Variants in NPY observed in about 807,000 individuals in gnomAD.
The protein encoded by NPY is neuropeptide Y.
NPY carries 11 observed loss-of-function variants against 13.2 expected under a neutral mutation model. The ratio of observed to expected loss-of-function variants is 0.83; its 90% CI spans 0.52 to 1.38. The LOEUF (loss-of-function observed/expected upper bound fraction) is 1.38. NPY is among the 40% of genes most tolerant of loss of function. The pLI, the probability that NPY is intolerant of heterozygous loss-of-function variation, is 0.00. For missense variants in NPY, 109 were observed against 125.1 expected (o/e 0.87, Z 0.61); for synonymous variants, 51 against 55.6 (o/e 0.92, Z 0.37).
At chr7:24,288,429 A>C (rs1241236729) in intron 2 of NPY, among the ~76,000 whole-genome samples, 1 of 152,212 alleles carries the variant, frequency 6.6e-6, no homozygotes, top group Non-Finnish European at 1.5e-5. Flanking sequence ...GGCAATTAGA[A>C]TATACCCTCT....
At position 24,285,682 on chromosome 7, in the gene NPY, C is replaced by T. The variant is rs747470802; in HGVS notation, c.188+254C>T. Among the ~76,000 whole-genome samples the T allele has an allele frequency of 6.6e-6, 1 of 152,126 alleles. No individual in the cohort carries two copies. The highest frequency in any genetic ancestry group is 1.5e-5 in the Non-Finnish European group (1 of 68,032). ...CAGGTTCCCCAGGCTGGTAGGCTGG[C>T]AATCTCCTCTCACTCACCTCTTATG... is the stretch of plus-strand genomic sequence containing the variant. On this transcript the variant is annotated intron_variant, in intron 2 of 3. Transcript: ENST00000242152. The surrounding 1 kb of genome is among the most constrained non-coding windows in gnomAD (Gnocchi z 4.9).
In NPY at chr7:24,291,763, A is replaced by T; in HGVS notation, c.*76A>T. On this transcript the variant is annotated 3_prime_UTR_variant, in exon 4 of 4. Transcript: ENST00000242152. ...CATCGTGTAAAACGAGAATCCACCCATCCTACCAATGCATGCAGCCACTGT... is the reference window on the plus strand; with the variant it reads ...CATCGTGTAAAACGAGAATCCACCCTTCCTACCAATGCATGCAGCCACTGT... 1 of 1,510,828 alleles carries T rather than the reference A, an allele frequency of 6.6e-7. No individual in the cohort carries two copies. The highest frequency in any genetic ancestry group is 9.2e-7 in the Non-Finnish European group (1 of 1,086,666). 93.6% of individuals were successfully genotyped at this position (1,510,828 alleles called of 1,614,324 possible). A position where few individuals can be genotyped will look rare whatever the true frequency, so the allele number is the denominator to read the frequency against.
chr7:24,291,247 GTCTAATAAGTA>G lies in NPY; in HGVS notation c.270-415_270-405del, dbSNP rs1283766202. Among the ~76,000 whole-genome samples, 688 of 152,246 alleles carry G rather than the reference GTCTAATAAGTA, an allele frequency of 4.5e-3. 38 individuals carry two copies. The East Asian group carries it at 0.1, about 22-fold the overall frequency. ...ATTTTATTATAAAGGTCTTATTATAGTCTAATAAGTAGCATCTTACTACATAATAAAGCTGG... is the reference window on the plus strand; with the variant it reads ...ATTTTATTATAAAGGTCTTATTATAGGCATCTTACTACATAATAAAGCTGG... On this transcript the variant is annotated intron_variant, in intron 3 of 3. Coordinates refer to ENST00000242152, the MANE Select transcript of NPY (RefSeq NM_000905.4).
chr7:24,287,023 G>C (rs529236060), intron 2 of NPY, among the ~76,000 whole-genome samples: 1 of 152,178 alleles, frequency 6.6e-6, no homozygotes, highest in Non-Finnish European at 1.5e-5. Flanking sequence ...GCTTTGAAGG[G>C]AGTATAATTA....
intron 2 of NPY, among the ~76,000 whole-genome samples, chr7:24,287,935 C>T (rs1390537819): frequency 1.3e-5 from 2 of 152,166 alleles, no homozygotes; most frequent in East Asian, 3.8e-4. Context: ...GTTTTTAACA[C>T]TCCCCAGGTG....
rs939743521 is a variant in NPY, at chr7:24,285,014, C to T, written c.1-227C>T. On this transcript the variant is annotated intron_variant, in intron 1 of 3. Transcript: ENST00000242152. The surrounding 1 kb of genome is among the most constrained non-coding windows in gnomAD (Gnocchi z 4.9). Reference sequence around the variant, plus strand: ...GTCCCTGAGACTTCGAACGAAGTTGCGCGAAGTTTTCAGGTGGAGCAGAGG... The same window carrying T: ...GTCCCTGAGACTTCGAACGAAGTTGTGCGAAGTTTTCAGGTGGAGCAGAGG... 6.9e-6 allele frequency: 4 copies of T among 583,348 alleles called. No individual in the cohort carries two copies. The highest frequency in any genetic ancestry group is 3.1e-5 in the Admixed American group (1 of 32,742). The allele number at this position is 583,348 out of a possible 1,614,324, so 36.1% of individuals were successfully genotyped here. A position where few individuals can be genotyped will look rare whatever the true frequency, so the allele number is the denominator to read the frequency against.
chr7:24,285,040 G>A lies in NPY; in HGVS notation c.1-201G>A. On this transcript the variant is annotated intron_variant, in intron 1 of 3. Coordinates refer to ENST00000242152, the MANE Select transcript of NPY (RefSeq NM_000905.4). This position sits in a 1 kb window ranked among gnomAD's most constrained non-coding sequence, Gnocchi z 4.9. ...GCGAAGTTTTCAGGTGGAGCAGAGG[G>A]GCAGGTCCCGACCGGACGGCGCCCG... 1.7e-6 allele frequency: 1 copy of A among 603,840 alleles called. No individual in the cohort carries two copies. Among genetic ancestry groups the A allele is most frequent in the Non-Finnish European group, 2.9e-6 (1 of 340,132 alleles). 37.4% of individuals were successfully genotyped at this position (603,840 alleles called of 1,614,324 possible).
intron 3 of NPY, among the ~76,000 whole-genome samples, 179 bp from the exon 4 acceptor site, chr7:24,291,484 A>G (rs1787606173): frequency 6.6e-6 from 1 of 152,184 alleles, no homozygotes; most frequent in African/African-American, 2.4e-5. Flanking sequence ...GGGGCTGTGC[A>G]TATTGTGCCT....
chr7:24,290,775 A>ATTATTATT (rs1554351567), intron 3 of NPY, among the ~76,000 whole-genome samples: 2,447 of 129,618 alleles, frequency 0.019, 36 homozygotes, highest in African/African-American at 0.036. Flanking sequence ...TAATAATAAT[A>ATTATTATT]ATTATTATTA....
rs1787319322 is a variant in NPY at position 24,285,293 on chromosome 7, T to C, written c.53T>C (p.Leu18Pro). The C allele has an allele frequency of 6.2e-7, 1 of 1,614,084 alleles. No individual in the cohort carries two copies. The highest frequency in any genetic ancestry group is 8.5e-7 in the Non-Finnish European group (1 of 1,179,994). Residue 18 changes from leucine (L) to proline (P), a missense_variant, in exon 2 of 4, where the codon CTG (leucine) becomes CCG (proline). Transcript: ENST00000242152. The surrounding 1 kb of genome is among the most constrained non-coding windows in gnomAD (Gnocchi z 4.9). ...TCCGGACTGACCCTCGCCCTGTCCC[T>C]GCTCGTGTGCCTGGGTGCGCTGGCC... ...GLSGLTLALS[L>P]LVCLGALAEA...
rs1450487582 is a variant in NPY at position 24,285,339 on chromosome 7, G to A, written c.99G>A (p.Pro33=). 3 of 1,613,996 alleles carry A rather than the reference G, an allele frequency of 1.9e-6. No individual in the cohort carries two copies. Among genetic ancestry groups the A allele is most frequent in the East Asian group, 2.2e-5 (1 of 44,868 alleles). The change falls in exon 2 of 4, where the codon CCG becomes CCA. Residue 33 remains proline, a synonymous_variant. Transcript: ENST00000242152. The surrounding 1 kb of genome is among the most constrained non-coding windows in gnomAD (Gnocchi z 4.9). ...GALAEAYPSK[P]DNPGEDAPAE... The stretch of plus-strand genomic sequence containing the variant: ...TGGCCGAGGCGTACCCCTCCAAGCC[G>A]GACAACCCGGGCGAGGACGCACCAG...
intron 1 of NPY, 60 bp downstream of exon 1, chr7:24,284,335 T>G (rs1195009303): frequency 6.6e-6 from 1 of 152,480 alleles, no homozygotes; most frequent in African/African-American, 2.4e-5. Context: ...GCGAACTTGC[T>G]AGAGACGCAG....
chr7:24,291,785 C>T lies in NPY; in HGVS notation c.*98C>T, dbSNP rs1417544129. 7.4e-7 allele frequency: 1 copy of T among 1,347,236 alleles called. No individual in the cohort carries two copies. The highest frequency in any genetic ancestry group is 1.4e-5 in the African/African-American group (1 of 69,470). The allele number at this position is 1,347,236 out of a possible 1,614,324, so 83.5% of individuals were successfully genotyped here. A position where few individuals can be genotyped will look rare whatever the true frequency, so the allele number is the denominator to read the frequency against. On this transcript the variant is annotated 3_prime_UTR_variant, in exon 4 of 4. Transcript: ENST00000242152. ...CCCATCCTACCAATGCATGCAGCCACTGTGCTGAATTCTGCAATGTTTTCC... is the reference window on the plus strand; with the variant it reads ...CCCATCCTACCAATGCATGCAGCCATTGTGCTGAATTCTGCAATGTTTTCC...
At chr7:24,284,427 G>A (rs1056000777) in intron 1 of NPY, among the ~76,000 whole-genome samples, 152 bp downstream of exon 1, 10 of 152,194 alleles carry the variant, frequency 6.6e-5, no homozygotes, top group Non-Finnish European at 1.0e-4. Context: ...GCGCCCCGAC[G>A]CGGACCAGCC....
intron 3 of NPY, among the ~76,000 whole-genome samples, chr7:24,290,443 G>A (rs1159793934): frequency 6.6e-6 from 1 of 152,080 alleles, no homozygotes; most frequent in Admixed American, 6.5e-5. Context: ...AAGTTCCCCA[G>A]AAGAGGTCAC....
At chr7:24,291,155 A>G (rs1195630283) in intron 3 of NPY, among the ~76,000 whole-genome samples, 1 of 152,130 alleles carries the variant, frequency 6.6e-6, no homozygotes, top group Non-Finnish European at 1.5e-5. Flanking sequence ...AACCTGATTG[A>G]CAGACTCCAT....
intron 3 of NPY, among the ~76,000 whole-genome samples, chr7:24,291,395 GATAC>G (rs1479627786): frequency 6.6e-6 from 1 of 152,164 alleles, no homozygotes; most frequent in African/African-American, 2.4e-5. Context: ...CGGCTCCTTT[GATAC>G]ATACAGAGCC....
chr7:24,288,686 A>AG (rs1366504794), intron 2 of NPY, among the ~76,000 whole-genome samples: 38 of 95,896 alleles, frequency 4.0e-4, no homozygotes, highest in Middle Eastern at 6.0e-3. Context: ...CTGCTACAGG[A>AG]GAAAAAAAAA....
At chr7:24,290,089 A>G (rs1269864550) in intron 3 of NPY, among the ~76,000 whole-genome samples, 2 of 152,186 alleles carry the variant, frequency 1.3e-5, no homozygotes, top group African/African-American at 4.8e-5. Context: ...ATTTTAATTC[A>G]ACTTGTGTCA....
Sources: allele counts gnomAD v4.1 joint callset (sites outside exome capture counted in the v4.1 genomes callset), GRCh38; gene constraint gnomAD v4.1.1; non-coding constraint Gnocchi (gnomAD v3.1); transcripts MANE v1.5; gene names NCBI Gene and HGNC (gene_info 2026-07-23, HGNC 2026-07-21).